Variants in CCDC30 observed in about 807,000 individuals in gnomAD.
CCDC30 encodes the protein coiled-coil domain-containing protein 30.
CCDC30 carries 70 observed loss-of-function variants against 100.2 expected under a neutral mutation model. The observed-to-expected ratio is 0.70, with a 90% CI of 0.58 to 0.85. CCDC30 has a LOEUF of 0.85. Among genes scored for constraint, CCDC30 ranks in the 40% least tolerant of loss-of-function variants. The pLI, the probability that CCDC30 is intolerant of heterozygous loss-of-function variation, is 0.00. For synonymous variants in CCDC30, 233 were observed against 269.5 expected, an observed-to-expected ratio of 0.86 and a Z score of 1.33; for missense variants, 652 against 771.2, an observed-to-expected ratio of 0.85 and a Z score of 1.83.
At chr1:42,456,425 T>G in the CCDC30 span, 1 of 921,508 alleles carries the variant, frequency 1.1e-6, no homozygotes, top group East Asian at 2.8e-5. Flanking sequence ...ATTTCCAGAC[T>G]TGGCGAGATC....
At chr1:42,457,067 C>T in the CCDC30 span, 1 of 1,594,368 alleles carries the variant, frequency 6.3e-7, no homozygotes, top group East Asian at 2.2e-5. Flanking sequence ...GGCACTCAAT[C>T]CGCTAGGTGC....
At chr1:42,476,876 G>A (rs1181010907) in intron 1 of CCDC30, among the ~76,000 whole-genome samples, 4 of 138,826 alleles carry the variant, frequency 2.9e-5, no homozygotes, top group Admixed American at 2.1e-4. Flanking sequence ...AGAGTTCGTT[G>A]ATGGAAGTTT....
At chr1:42,504,892 G>T (rs758519049) in intron 6 of CCDC30, among the ~76,000 whole-genome samples, 1 of 151,914 alleles carries the variant, frequency 6.6e-6, no homozygotes, top group Non-Finnish European at 1.5e-5. Flanking sequence ...GCATAGCTAG[G>T]GTGTGACATA....
chr1:42,650,997 G>A (rs140113739), intron 15 of CCDC30, among the ~76,000 whole-genome samples: 54 of 152,188 alleles, frequency 3.5e-4, no homozygotes, highest in Admixed American at 1.4e-3. Context: ...TCAACAAAAC[G>A]GTATTGAGAA....
At chr1:42,489,468 A>T (rs1046342551) in intron 3 of CCDC30, among the ~76,000 whole-genome samples, 2 of 152,154 alleles carry the variant, frequency 1.3e-5, no homozygotes, top group Non-Finnish European at 2.9e-5. Context: ...GTAATAATAA[A>T]ACCTTCACAA....
chr1:42,482,865 T>C, intron 3 of CCDC30, 49 bp downstream of exon 3: 1 of 1,158,492 alleles, frequency 8.6e-7, no homozygotes. Flanking sequence ...TTAACTGTAC[T>C]GATCTCATCT....
intron 11 of CCDC30, among the ~76,000 whole-genome samples, chr1:42,613,523 G>C (rs1646666510): frequency 6.6e-6 from 1 of 152,150 alleles, no homozygotes; most frequent in South Asian, 2.1e-4. Flanking sequence ...CAAAGTGCTG[G>C]GATTACAGGC....
chr1:42,549,206 A>G (rs533777544), intron 6 of CCDC30, among the ~76,000 whole-genome samples: 1 of 152,230 alleles, frequency 6.6e-6, no homozygotes, highest in African/African-American at 2.4e-5. Flanking sequence ...CTCCACTTTT[A>G]TGTTTCATAT....
intron 11 of CCDC30, among the ~76,000 whole-genome samples, chr1:42,629,352 C>T (rs1176225416): frequency 6.6e-6 from 1 of 152,228 alleles, no homozygotes; most frequent in Non-Finnish European, 1.5e-5. Flanking sequence ...TCATGCCACT[C>T]TCTCGTGGCC....
chr1:42,498,302 T>C (rs1644258712), intron 5 of CCDC30, among the ~76,000 whole-genome samples: 1 of 152,116 alleles, frequency 6.6e-6, no homozygotes, highest in Non-Finnish European at 1.5e-5. Flanking sequence ...GGAGTTATTG[T>C]TTAATGGGTA....
At chr1:42,559,815 T>TAC (rs1301472827) in intron 6 of CCDC30, among the ~76,000 whole-genome samples, 1 of 152,128 alleles carries the variant, frequency 6.6e-6, no homozygotes, top group Non-Finnish European at 1.5e-5. Context: ...CAGAACTCTG[T>TAC]ACCCCAAATC....
chr1:42,526,228 C>T (rs1644722294), intron 6 of CCDC30, among the ~76,000 whole-genome samples: 1 of 152,086 alleles, frequency 6.6e-6, no homozygotes, highest in Admixed American at 6.5e-5. Context: ...GGAGTAAAGT[C>T]CCCCAATGTC....
At chr1:42,627,373 T>C (rs935891662) in intron 11 of CCDC30, among the ~76,000 whole-genome samples, 1 of 152,126 alleles carries the variant, frequency 6.6e-6, no homozygotes, top group Non-Finnish European at 1.5e-5. Flanking sequence ...AAACAGAGCA[T>C]AAAAATTCAG....
intron 11 of CCDC30, among the ~76,000 whole-genome samples, chr1:42,623,231 T>A (rs1052370427): frequency 2.6e-5 from 4 of 152,186 alleles, no homozygotes; most frequent in African/African-American, 4.8e-5. Context: ...AGATTTTTTT[T>A]AACTTGATGT....
chr1:42,581,393 C>G (rs779625472), exon 9 of CCDC30: 1 of 1,611,578 alleles, frequency 6.2e-7, no homozygotes, highest in East Asian at 2.2e-5. Context: ...AGAACATGCT[C>G]ATAAAGTCTG....
intron 11 of CCDC30, among the ~76,000 whole-genome samples, chr1:42,620,344 G>A (rs1646806900): frequency 6.6e-6 from 1 of 152,056 alleles, no homozygotes; most frequent in African/African-American, 2.4e-5. Context: ...GGCACGTTTT[G>A]ACCTGTGTAA....
chr1:42,646,071 T>C, intron 14 of CCDC30, 64 bp from the exon 19 acceptor site: 2 of 1,501,570 alleles, frequency 1.3e-6, no homozygotes, highest in Non-Finnish European at 1.8e-6. Flanking sequence ...GTGTCAAAGG[T>C]ACTAACTTCT....
chr1:42,465,688 G>A (rs1569658285), intron 1 of CCDC30, among the ~76,000 whole-genome samples: 1 of 152,164 alleles, frequency 6.6e-6, no homozygotes, highest in Non-Finnish European at 1.5e-5. Context: ...TAAACCTGGG[G>A]AGTGGGGTGG....
chr1:42,644,169 G>A (rs904673343), intron 13 of CCDC30, among the ~76,000 whole-genome samples: 3 of 152,060 alleles, frequency 2.0e-5, no homozygotes, highest in African/African-American at 7.2e-5. Flanking sequence ...AGTTTATTAA[G>A]TATTAACTTA....
Sources: allele counts gnomAD v4.1 joint callset (sites outside exome capture counted in the v4.1 genomes callset), GRCh38; gene constraint gnomAD v4.1.1; transcripts MANE v1.5; gene names NCBI Gene and HGNC (gene_info 2026-07-23, HGNC 2026-07-21).